AGBL4: variants seen among roughly 807,000 people sequenced by gnomAD.
AGBL4 encodes AGBL carboxypeptidase 4, also known as cytosolic carboxypeptidase 6.
AGBL4 carries 58 observed loss-of-function variants against 66.4 expected under a neutral mutation model. That is an observed-to-expected ratio of 0.87 (90% CI 0.71 to 1.09). The LOEUF (loss-of-function observed/expected upper bound fraction) is 1.09. Among genes scored for constraint, AGBL4 ranks in the 50% least tolerant of loss-of-function variants. The pLI is 0.00. For synonymous variants in AGBL4, 234 were observed against 222.9 expected (o/e 1.05, Z -0.44); for missense variants, 579 against 631.0 (o/e 0.92, Z 0.88).
chr1:49,948,055 T>TATATATGTAA (rs1242396108), intron 1 of AGBL4, among the ~76,000 whole-genome samples: 1 of 95,700 alleles, frequency 1.0e-5, no homozygotes, highest in African/African-American at 4.6e-5. Context: ...TATATAAATA[T>TATATATGTAA]ATATATGTAA....
intron 5 of AGBL4, among the ~76,000 whole-genome samples, chr1:48,984,492 C>T (rs1229065624): frequency 6.7e-6 from 1 of 148,834 alleles, no homozygotes; most frequent in African/African-American, 2.5e-5. Context: ...GCTTTCCCAT[C>T]CGCCTATCAT....
chr1:49,512,744 CACAA>C (rs1292177078), intron 3 of AGBL4, among the ~76,000 whole-genome samples: 1 of 151,792 alleles, frequency 6.6e-6, no homozygotes, highest in Non-Finnish European at 1.5e-5. Context: ...TATAGCAATG[CACAA>C]ACAGACTAAC....
At chr1:49,657,611 T>C (rs1646170936) in intron 3 of AGBL4, among the ~76,000 whole-genome samples, 1 of 152,068 alleles carries the variant, frequency 6.6e-6, no homozygotes, top group South Asian at 2.1e-4. Context: ...CAAACTATAC[T>C]ACAAGGCCAC....
At chr1:49,566,793 G>A (rs189725412) in intron 3 of AGBL4, among the ~76,000 whole-genome samples, 3,857 of 148,632 alleles carry the variant, frequency 0.026, 153 homozygotes, top group East Asian at 0.21. Flanking sequence ...CTCAAGCTGC[G>A]TGCTGGGAGA....
intron 3 of AGBL4, among the ~76,000 whole-genome samples, chr1:49,481,789 G>A (rs913616581): frequency 1.3e-5 from 2 of 151,512 alleles, no homozygotes; most frequent in African/African-American, 2.4e-5. Context: ...ACTATTTTGC[G>A]GTGTGTGATT....
At chr1:49,040,910 A>G (rs12035834) in intron 5 of AGBL4, among the ~76,000 whole-genome samples, 6,709 of 152,196 alleles carry the variant, frequency 0.044, 213 homozygotes, top group East Asian at 0.12. Context: ...TACAATGCAT[A>G]AATTTTATAC....
intron 6 of AGBL4, among the ~76,000 whole-genome samples, chr1:48,733,864 A>G (rs2148565853): frequency 6.6e-6 from 1 of 152,294 alleles, no homozygotes; most frequent in African/African-American, 2.4e-5. Flanking sequence ...GCCAGACACT[A>G]TGTTTGGAAA....
intron 1 of AGBL4, chr1:49,995,067 G>C (rs767876525): frequency 4.4e-6 from 2 of 453,376 alleles, no homozygotes; most frequent in South Asian, 1.6e-5. Context: ...ATTGGGGAAA[G>C]ACTACAGGGA....
intron 2 of AGBL4, among the ~76,000 whole-genome samples, chr1:49,816,875 T>C (rs1201461700): frequency 3.3e-5 from 5 of 152,116 alleles, no homozygotes; most frequent in Non-Finnish European, 5.9e-5. Flanking sequence ...AGTAGCAGAT[T>C]TAACTGCTGG....
intron 4 of AGBL4, among the ~76,000 whole-genome samples, chr1:49,077,099 T>TGC (rs1308503798): frequency 6.6e-6 from 1 of 151,838 alleles, no homozygotes; most frequent in Non-Finnish European, 1.5e-5. Flanking sequence ...TGTGTGCGTG[T>TGC]GTGTGTGTGT....
At chr1:49,936,595 G>A (rs1247769482) in intron 1 of AGBL4, among the ~76,000 whole-genome samples, 10 of 152,086 alleles carry the variant, frequency 6.6e-5, no homozygotes, top group African/African-American at 1.9e-4. Context: ...GAGAAAGGTC[G>A]GGTTACCCAC....
intron 3 of AGBL4, among the ~76,000 whole-genome samples, chr1:49,272,007 A>C (rs1325030488): frequency 6.6e-6 from 1 of 152,198 alleles, no homozygotes; most frequent in African/African-American, 2.4e-5. Context: ...TGAGAACTAC[A>C]GTTTTGGAAG....
At chr1:48,550,570 T>C (rs757625305) in intron 11 of AGBL4, among the ~76,000 whole-genome samples, 3 of 152,204 alleles carry the variant, frequency 2.0e-5, no homozygotes, top group Non-Finnish European at 4.4e-5. Flanking sequence ...AAAGACCTTG[T>C]TTCCATATAA....
Position 49,174,524 on chromosome 1 carries a change from T to A in AGBL4, c.377+71246A>T, listed in dbSNP as rs540775774. Reference sequence around the variant, plus strand: ...CTCTTTCTAAGTATTCATTCTCTCATCCTTAGGGGCATTTTTGATTGATGA... The same window carrying A: ...CTCTTTCTAAGTATTCATTCTCTCAACCTTAGGGGCATTTTTGATTGATGA... On this transcript the variant is annotated intron_variant, in intron 4 of 13. Coordinates refer to ENST00000371839, the MANE Select transcript of AGBL4 (RefSeq NM_032785.4). 2.6e-5 allele frequency among the ~76,000 whole-genome samples: 4 copies of A among 152,256 alleles called. No individual in the cohort carries two copies. The South Asian group carries it at 8.3e-4, about 32-fold the overall frequency.
intron 5 of AGBL4, among the ~76,000 whole-genome samples, chr1:48,937,343 C>T (rs941428017): frequency 1.2e-4 from 18 of 152,172 alleles, no homozygotes; most frequent in African/African-American, 4.1e-4. Context: ...ACCAACACCA[C>T]TCCACTGGAT....
intron 2 of AGBL4, among the ~76,000 whole-genome samples, chr1:49,758,590 G>T (rs971412114): frequency 6.6e-6 from 1 of 152,128 alleles, no homozygotes; most frequent in Non-Finnish European, 1.5e-5. Context: ...TTTAATGACT[G>T]CCCTGCTGGA....
chr1:49,954,250 A>C (rs1656404725), intron 1 of AGBL4, among the ~76,000 whole-genome samples: 1 of 151,950 alleles, frequency 6.6e-6, no homozygotes. Context: ...ACCATTTATG[A>C]TGAGTGCTAA....
At chr1:49,056,773 G>A (rs1197626265) in intron 4 of AGBL4, among the ~76,000 whole-genome samples, 1 of 152,064 alleles carries the variant, frequency 6.6e-6, no homozygotes, top group Non-Finnish European at 1.5e-5. Context: ...GCTGTGGAGG[G>A]GGTAAAAAGT....
chr1:48,640,205 TG>T lies in AGBL4; in HGVS notation c.840-5602del, dbSNP rs530902461. Among the ~76,000 whole-genome samples the T allele has an allele frequency of 1.8e-4, 27 of 152,328 alleles. No individual in the cohort carries two copies. The South Asian group carries it at 5.6e-3, about 32-fold the overall frequency. On this transcript the variant is annotated intron_variant, in intron 8 of 13. Transcript: ENST00000371839. ...GACCATTCTAGAAAATGCAAATATA[TG>T]GGGGCCAAATTTACATATGACTGCA... is the stretch of plus-strand genomic sequence containing the variant.
Sources: gnomAD v4.1 joint callset for allele counts (sites outside exome capture counted in the v4.1 genomes callset) on GRCh38, gnomAD v4.1.1 for gene constraint, MANE v1.5 for transcripts, NCBI Gene and HGNC (gene_info 2026-07-23, HGNC 2026-07-21) for gene names.